MICAL2: variants seen among roughly 807,000 people sequenced by gnomAD.
The protein encoded by MICAL2 is [F-actin]-monooxygenase MICAL2.
MICAL2 carries 77 observed loss-of-function variants against 127.3 expected under a neutral mutation model. The observed-to-expected ratio is 0.60, with a 90% CI of 0.50 to 0.73. The LOEUF is 0.73. MICAL2 is among the 30% of genes least tolerant of loss of function. The pLI is 0.00. For synonymous variants in MICAL2, 570 were observed against 551.1 expected (o/e 1.03, Z -0.48); for missense variants, 1,351 against 1,434.4 (o/e 0.94, Z 0.94).
chr11:12,227,932 G>A (rs114582505), intron 15 of MICAL2, among the ~76,000 whole-genome samples: 2,687 of 152,242 alleles, frequency 0.018, 83 homozygotes, highest in African/African-American at 0.062. Context: ...ACACAGTTTG[G>A]GCATCACATG....
At chr11:12,144,741 A>G (rs1185060753) in intron 2 of MICAL2, among the ~76,000 whole-genome samples, 1 of 152,228 alleles carries the variant, frequency 6.6e-6, no homozygotes, top group African/African-American at 2.4e-5. Flanking sequence ...AACCTCCTCC[A>G]GTCAGTTCAG....
rs1430930014 is a variant in MICAL2 at position 12,239,559 on chromosome 11, A to C, written c.2188A>C (p.Thr730Pro). ...GCTGCTGGCCAAGTTTGAGGAGAGC[A>C]CTCGGAACCCCTCACTCATGAAGCA... ...NQLLAKFEES[T>P]RNPSLMKQER... Residue 730 changes from threonine (T) to proline (P), a missense_variant, in exon 17 of 28, where the codon ACT (threonine) becomes CCT (proline). By Grantham distance (38) the Thr-to-Pro change is conservative. Transcript: ENST00000683283. The C allele has an allele frequency of 1.9e-6, 3 of 1,614,146 alleles. No individual in the cohort carries two copies. The Admixed American group carries it at 5.0e-5, about 27-fold the overall frequency.
At chr11:12,319,871 A>C (rs1164795411) in intron 30 of MICAL2, 1 of 1,286,696 alleles carries the variant, frequency 7.8e-7, no homozygotes, top group Non-Finnish European at 1.1e-6. Flanking sequence ...TACCATCCAG[A>C]TTTCAGAACC....
chr11:12,244,676 A>G (rs538103716), intron 21 of MICAL2, among the ~76,000 whole-genome samples: 28 of 152,290 alleles, frequency 1.8e-4, no homozygotes, highest in African/African-American at 6.3e-4. Flanking sequence ...TGAAGGTTCC[A>G]TGGGGGGATT....
chr11:12,227,077 A>G lies in MICAL2; in HGVS notation c.1941A>G (p.Ser647=). The G allele has an allele frequency of 1.2e-6, 2 of 1,614,098 alleles. No homozygotes were observed. The highest frequency in any genetic ancestry group is 2.2e-5 in the South Asian group (2 of 91,080). Residue 647 remains serine (S), a synonymous_variant, in exon 15 of 28, where the codon TCA becomes TCG. Coordinates refer to ENST00000683283, the MANE Select transcript of MICAL2 (RefSeq NM_001282663.2). ...ATGCTGACCTCAGCTTGGCCAAATC[A>G]TCCATTTCTAATAACTATCTCAACC... ...GENADLSLAK[S]SISNNYLNLT... is the part of the protein sequence containing the mutation.
At chr11:12,157,037 T>C (rs1854266119) in intron 2 of MICAL2, among the ~76,000 whole-genome samples, 1 of 152,184 alleles carries the variant, frequency 6.6e-6, no homozygotes, top group Admixed American at 6.5e-5. Context: ...TTGAAACAGA[T>C]TTTGTCTGTG....
chr11:12,341,196 A>G (rs897821537), intron 32 of MICAL2, among the ~76,000 whole-genome samples: 1 of 152,200 alleles, frequency 6.6e-6, no homozygotes, highest in Non-Finnish European at 1.5e-5. Flanking sequence ...GGCCCTGCAC[A>G]GTGCTATTGA....
chr11:12,118,666 C>G (rs1216952556), intron 1 of MICAL2, among the ~76,000 whole-genome samples: 1 of 152,086 alleles, frequency 6.6e-6, no homozygotes, highest in Non-Finnish European at 1.5e-5. Context: ...GTGACATAGG[C>G]AAAAACAAAA....
chr11:12,348,865 C>T (rs1161131994), intron 32 of MICAL2, among the ~76,000 whole-genome samples: 1 of 152,198 alleles, frequency 6.6e-6, no homozygotes, highest in East Asian at 1.9e-4. Context: ...ATATAAGGCA[C>T]ATAGCCCATC....
At chr11:12,251,675 G>T (rs899145753) in intron 22 of MICAL2, among the ~76,000 whole-genome samples, 11 of 151,752 alleles carry the variant, frequency 7.2e-5, no homozygotes, top group African/African-American at 2.4e-4. Flanking sequence ...CCTAATGAAA[G>T]GTGGGACCAG....
At chr11:12,183,232 A>G (rs1399311648) in intron 3 of MICAL2, among the ~76,000 whole-genome samples, 1 of 151,474 alleles carries the variant, frequency 6.6e-6, no homozygotes, top group East Asian at 1.9e-4. Flanking sequence ...TTTGGATGTA[A>G]TACATTGTTG....
Position 12,192,229 on chromosome 11 carries a change from C to T in MICAL2, c.265-12021C>T, listed in dbSNP as rs1590270712. ...TCCCTTTCAGCTTGGACAGTGCACA[C>T]ACGTGCAAGTGCAGGTGGGCAGGGC... On this transcript the variant is annotated intron_variant, in intron 3 of 27. Coordinates refer to ENST00000683283, the MANE Select transcript of MICAL2 (RefSeq NM_001282663.2). Among the ~76,000 whole-genome samples the T allele has an allele frequency of 8.5e-5, 13 of 152,176 alleles. No homozygotes were observed. The South Asian group carries it at 2.7e-3, about 31-fold the overall frequency.
chr11:12,241,216 C>T (rs1300234071), intron 18 of MICAL2, 54 bp downstream of exon 18: 6 of 1,579,518 alleles, frequency 3.8e-6, no homozygotes, highest in East Asian at 4.5e-5. Context: ...GGACTTTGAT[C>T]CAGATGGGTG....
At chr11:12,168,458 G>A (rs1341776290) in intron 3 of MICAL2, among the ~76,000 whole-genome samples, 4 of 148,432 alleles carry the variant, frequency 2.7e-5, no homozygotes, top group East Asian at 2.0e-4. Flanking sequence ...CCACACACAC[G>A]TACATACACA....
intron 8 of MICAL2, among the ~76,000 whole-genome samples, chr11:12,218,576 C>T (rs1856463556): frequency 6.6e-6 from 1 of 152,234 alleles, no homozygotes. Context: ...TCCCTTCTCT[C>T]TTCCCCCATC....
intron 24 of MICAL2, among the ~76,000 whole-genome samples, chr11:12,258,178 G>C (rs1002730475): frequency 6.6e-6 from 1 of 152,178 alleles, no homozygotes; most frequent in African/African-American, 2.4e-5. Context: ...CTCCGGGTGC[G>C]GGCATGCCAC....
Position 12,207,178 on chromosome 11 carries a change from C to T in MICAL2, c.473-845C>T, listed in dbSNP as rs768492181. 3.5e-4 allele frequency among the ~76,000 whole-genome samples: 53 copies of T among 152,240 alleles called. 1 individual carries two copies. The highest frequency in any genetic ancestry group is 8.3e-4 in the South Asian group (4 of 4,812). On this transcript the variant is annotated intron_variant, in intron 4 of 27. Transcript: ENST00000683283. Reference sequence around the variant, plus strand: ...CCCTCCTCTCTTGGCTTCCAGGACCCCCACTAAGGCCCTGTTCTACCACCA... The same window carrying T: ...CCCTCCTCTCTTGGCTTCCAGGACCTCCACTAAGGCCCTGTTCTACCACCA...
intron 1 of MICAL2, among the ~76,000 whole-genome samples, chr11:12,279,598 C>T (rs960270944): frequency 3.9e-5 from 6 of 152,218 alleles, no homozygotes; most frequent in African/African-American, 7.2e-5. Context: ...TGCATCGGCT[C>T]GTCTGACTGG....
intron 34 of MICAL2, among the ~76,000 whole-genome samples, chr11:12,356,823 G>A (rs1339543358): frequency 6.6e-6 from 1 of 152,194 alleles, no homozygotes. Flanking sequence ...CCAAGATCTG[G>A]GGGGCCACAC....
Sources: allele counts gnomAD v4.1 joint callset (sites outside exome capture counted in the v4.1 genomes callset), GRCh38; gene constraint gnomAD v4.1.1; transcripts MANE v1.5; gene names NCBI Gene and HGNC (gene_info 2026-07-23, HGNC 2026-07-21).